IL16: variants seen among roughly 807,000 people sequenced by gnomAD.
IL16 encodes the protein interleukin 16.
A neutral mutation model predicts 110.1 loss-of-function variants in IL16; 67 were observed. That is an observed-to-expected ratio of 0.61 (90% CI 0.50 to 0.75). The LOEUF (loss-of-function observed/expected upper bound fraction) is 0.75. IL16 is among the 30% of genes least tolerant of loss of function. The pLI, the probability that IL16 is intolerant of heterozygous loss-of-function variation, is 0.00. For synonymous variants in IL16, 689 were observed against 662.9 expected (o/e 1.04, Z -0.61); for missense variants, 1,545 against 1,655.0 (o/e 0.93, Z 1.15).
At chr15:81,190,145 C>T (rs555096658) in intron 1 of IL16, among the ~76,000 whole-genome samples, 42 of 152,370 alleles carry the variant, frequency 2.8e-4, no homozygotes, top group African/African-American at 9.6e-4. Context: ...AGACCCCAAA[C>T]TGAACACATG....
upstream of IL16, among the ~76,000 whole-genome samples, chr15:81,193,455 G>T (rs1895529759): frequency 1.3e-5 from 2 of 152,116 alleles, no homozygotes; most frequent in Non-Finnish European, 2.9e-5. Flanking sequence ...GTTGGCATGT[G>T]CGTGGTATAT....
rs1473764874 is a variant in IL16 at position 81,238,936 on chromosome 15, A to T, written c.312+13225A>T. Among the ~76,000 whole-genome samples, 5 of 152,018 alleles carry T rather than the reference A, an allele frequency of 3.3e-5. No homozygotes were observed. The South Asian group carries it at 8.3e-4, about 25-fold the overall frequency. ...ACATGAATTTCTTTATGCTTAAAAA[A>T]ATGTGTCCTGACTTCTGACCTTCAT... On this transcript the variant is annotated intron_variant, in intron 2 of 18. Coordinates refer to ENST00000683961, the MANE Select transcript of IL16 (RefSeq NM_172217.5).
At chr15:81,286,824 AAG>A (rs1428727672) in intron 10 of IL16, among the ~76,000 whole-genome samples, 3 of 152,226 alleles carry the variant, frequency 2.0e-5, no homozygotes, top group African/African-American at 7.2e-5. Context: ...TATAAAGAAA[AAG>A]AGATTTAATA....
intron 1 of IL16, chr15:81,182,963 C>T: frequency 1.0e-6 from 1 of 997,962 alleles, no homozygotes; most frequent in East Asian, 6.0e-5. Context: ...GTGGACCCTT[C>T]CTGACATCCT....
At chr15:81,265,835 T>C (rs1374200709) in intron 4 of IL16, 34 bp downstream of exon 4, 1 of 1,588,982 alleles carries the variant, frequency 6.3e-7, no homozygotes, top group African/African-American at 1.4e-5. Flanking sequence ...CAGAGAAGAG[T>C]TTCTCCCGGG....
chr15:81,189,093 A>G (rs1303702075), intron 1 of IL16, among the ~76,000 whole-genome samples: 1 of 151,166 alleles, frequency 6.6e-6, no homozygotes, highest in Non-Finnish European at 1.5e-5. Context: ...AACTGAGACT[A>G]TAGGCACATG....
chr15:81,301,583 C>A, intron 15 of IL16, 71 bp downstream of exon 15: 1 of 1,417,194 alleles, frequency 7.1e-7, no homozygotes, highest in Non-Finnish European at 9.7e-7. Flanking sequence ...TTAGTTGGGC[C>A]AGAGGGGAAG....
At position 81,292,838 on chromosome 15, in the gene IL16, C is replaced by T. The variant is rs775173899; in HGVS notation, c.1703C>T (p.Pro568Leu). 1.9e-6 allele frequency: 3 copies of T among 1,614,014 alleles called. No individual in the cohort carries two copies. In the East Asian group the frequency reaches 6.7e-5, roughly 36 times the overall value. ...TCCAGGCTGCCCCAGGAGAGCCCAC[C>T]CCTCCCAGAGAGCCGGGACAGCCAC... Reference protein sequence around the residue: ...ASSRLPQESPPLPESRDSHPP... With the variant: ...ASSRLPQESPLLPESRDSHPP... Residue 568 changes from proline to leucine, a missense_variant, in exon 12 of 19, where the codon CCC (proline) becomes CTC (leucine). By Grantham distance (98) the Pro-to-Leu change is moderately conservative. Transcript: ENST00000683961.
intron 10 of IL16, chr15:81,290,079 G>A (rs1264745956): frequency 9.6e-6 from 3 of 311,318 alleles, no homozygotes; most frequent in Non-Finnish European, 1.9e-5. Context: ...AATAGTGATT[G>A]TGATTATTAC....
In IL16 at chr15:81,297,060, TGGA is replaced by T. The variant is rs1474213920; in HGVS notation, c.2037_2039del (p.Trp679_Arg680delinsTer). 9.3e-6 allele frequency: 15 copies of T among 1,611,826 alleles called. No homozygotes were observed. Among genetic ancestry groups the T allele is most frequent in the Non-Finnish European group, 1.3e-5 (15 of 1,179,308 alleles). On this transcript the variant is annotated stop_gained and inframe_deletion, in exon 13 of 19. Coordinates refer to ENST00000683961, the MANE Select transcript of IL16 (RefSeq NM_172217.5). LOFTEE classifies it high-confidence loss of function. Reference sequence around the variant, plus strand: ...GTCCTCCACAGAGGGCGAGCCAGGGTGGAGAAGAGCCAGCCCAGGTAAGCTTTC... The same window carrying T: ...GTCCTCCACAGAGGGCGAGCCAGGGTGAAGAGCCAGCCCAGGTAAGCTTTC...
In IL16 at chr15:81,293,016, C is replaced by T; in HGVS notation, c.1881C>T (p.His627=). ...AGAACTCCTCATGCTCTTCTGGGCACACCCCACCCACCTGTGGCCAGGTAA... is the reference window on the plus strand; with the variant it reads ...AGAACTCCTCATGCTCTTCTGGGCATACCCCACCCACCTGTGGCCAGGTAA... ...ERENSSCSSG[H]TPPTCGQEAR... Residue 627 remains histidine (H), a synonymous_variant, in exon 12 of 19, where the codon CAC becomes CAT. Transcript: ENST00000683961. 3 of 1,608,264 alleles carry T rather than the reference C, an allele frequency of 1.9e-6. No individual in the cohort carries two copies. The highest frequency in any genetic ancestry group is 2.5e-6 in the Non-Finnish European group (3 of 1,179,014).
chr15:81,301,571 C>G (rs1900289026), intron 15 of IL16, 59 bp downstream of exon 15: 1 of 1,504,580 alleles, frequency 6.6e-7, no homozygotes, highest in African/African-American at 1.4e-5. Flanking sequence ...TGTGTGGCCA[C>G]CTTAGTTGGG....
chr15:81,255,050 T>C (rs1411820724), intron 2 of IL16, among the ~76,000 whole-genome samples: 1 of 151,912 alleles, frequency 6.6e-6, no homozygotes, highest in Non-Finnish European at 1.5e-5. Flanking sequence ...GCTGGTCTCA[T>C]GACCCTTTCC....
Position 81,313,225 on chromosome 15 carries a change from G to C in IL16, c.*4427G>C. The C allele has an allele frequency of 4.0e-6, 6 of 1,513,312 alleles. No homozygotes were observed. Among genetic ancestry groups the C allele is most frequent in the Non-Finnish European group, 3.6e-6 (4 of 1,125,334 alleles). 93.7% of individuals were successfully genotyped at this position (1,513,312 alleles called of 1,614,324 possible). A position where few individuals can be genotyped will look rare whatever the true frequency, so the allele number is the denominator to read the frequency against. Reference sequence around the variant, plus strand: ...CAGCTGGAGCTCCTCGATGAGTCACGGGAGTTCTTTGCCAAGAAGTAACGA... The same window carrying C: ...CAGCTGGAGCTCCTCGATGAGTCACCGGAGTTCTTTGCCAAGAAGTAACGA... On this transcript the variant is annotated 3_prime_UTR_variant, in exon 19 of 19. Coordinates refer to ENST00000683961, the MANE Select transcript of IL16 (RefSeq NM_172217.5).
chr15:81,223,303 A>G (rs1397002785), intron 1 of IL16, among the ~76,000 whole-genome samples: 1 of 152,206 alleles, frequency 6.6e-6, no homozygotes, highest in Non-Finnish European at 1.5e-5. Context: ...TCAAGAAGAC[A>G]TGAAGGGGAT....
chr15:81,270,435 G>C (rs566635039), intron 5 of IL16, among the ~76,000 whole-genome samples: 13 of 151,856 alleles, frequency 8.6e-5, no homozygotes, highest in African/African-American at 2.4e-4. Flanking sequence ...GTCTGTCCAG[G>C]GGGAGGGGCC....
chr15:81,273,036 A>G, intron 5 of IL16, 54 bp from the exon 6 acceptor site: 3 of 1,426,104 alleles, frequency 2.1e-6, no homozygotes, highest in Non-Finnish European at 2.0e-6. Flanking sequence ...GCATCAGGCC[A>G]ATGAGAAGCA....
chr15:81,197,261 C>T (rs1895629975), intron 1 of IL16, 109 bp downstream of exon 1: 4 of 665,440 alleles, frequency 6.0e-6, no homozygotes, highest in Non-Finnish European at 8.7e-6. Context: ...TAGGACGTAA[C>T]TTCATATTTG....
chr15:81,240,928 C>G (rs1055569442), intron 2 of IL16, among the ~76,000 whole-genome samples: 1 of 152,008 alleles, frequency 6.6e-6, no homozygotes, highest in Non-Finnish European at 1.5e-5. Flanking sequence ...TTCTAAACAT[C>G]TTAGAGTTTT....
Sources: gnomAD v4.1 joint callset for allele counts (sites outside exome capture counted in the v4.1 genomes callset) on GRCh38, gnomAD v4.1.1 for gene constraint, MANE v1.5 for transcripts, NCBI Gene and HGNC (gene_info 2026-07-23, HGNC 2026-07-21) for gene names.